The following MAML2 variants were observed in gnomAD, a reference collection of about 807,000 sequenced individuals.
The protein encoded by MAML2 is mastermind-like protein 2.
Under a neutral mutation model 96.1 loss-of-function variants are expected in MAML2, and 22 were observed. The observed-to-expected ratio is 0.23, with a 90% CI of 0.16 to 0.33. MAML2 has a LOEUF of 0.33. Among genes scored for constraint, MAML2 ranks in the 10% least tolerant of loss-of-function variants. The probability of loss-of-function intolerance (pLI) is 1.00; values close to 1 mark genes in which losing one functional copy is unlikely to be tolerated. For missense variants in MAML2, 1,367 were observed against 1,392.4 expected (o/e 0.98, Z 0.29); for synonymous variants, 561 against 521.3 (o/e 1.08, Z -1.04).
chr11:96,070,651 C>T (rs1859331245), intron 2 of MAML2, among the ~76,000 whole-genome samples: 1 of 152,268 alleles, frequency 6.6e-6, no homozygotes, highest in South Asian at 2.1e-4. Flanking sequence ...CTCGTTCACA[C>T]ACCCTTTTCT....
In MAML2 at chr11:95,991,688, G is replaced by A. The variant is rs753951959; in HGVS notation, c.2175C>T (p.Pro725=). The change falls in exon 3 of 5, where the codon CCC becomes CCT. Residue 725 remains proline (P), a synonymous_variant. Transcript: ENST00000524717. ...QHSVVGQNTG[P]SPSPNPCSNP... ...TTGAGCAGGGGTTAGGACTTGGACT[G>A]GGGCCTGTGTTCTGGCCTACCACAG... 3.1e-6 allele frequency: 5 copies of A among 1,613,564 alleles called. No individual in the cohort carries two copies. The Admixed American group carries it at 6.7e-5, about 22-fold the overall frequency.
At chr11:95,990,168 G>A (rs1191656166) in intron 3 of MAML2, among the ~76,000 whole-genome samples, 3 of 151,998 alleles carry the variant, frequency 2.0e-5, no homozygotes, top group Admixed American at 6.6e-5. Flanking sequence ...ACTGTAAAAA[G>A]TATACTTTTT....
chr11:95,984,466 T>C (rs1339967582), intron 4 of MAML2, among the ~76,000 whole-genome samples: 3 of 152,196 alleles, frequency 2.0e-5, no homozygotes, highest in African/African-American at 7.2e-5. Flanking sequence ...TTACTTGTTG[T>C]CTTTAGAGAC....
At chr11:95,993,226 C>T (rs1478495037) in intron 2 of MAML2, among the ~76,000 whole-genome samples, 1 of 149,808 alleles carries the variant, frequency 6.7e-6, no homozygotes, top group Non-Finnish European at 1.5e-5. Context: ...AAAAAAAATC[C>T]ATCTGTCATT....
intron 4 of MAML2, among the ~76,000 whole-genome samples, chr11:95,982,193 G>C (rs1857750977): frequency 6.6e-6 from 1 of 152,180 alleles, no homozygotes; most frequent in African/African-American, 2.4e-5. Context: ...TGACCCACTT[G>C]AGTGTCAGCA....
intron 2 of MAML2, among the ~76,000 whole-genome samples, chr11:96,018,823 A>C (rs12290965): frequency 0.037 from 5,623 of 152,184 alleles, 241 homozygotes; most frequent in African/African-American, 0.11. Flanking sequence ...TCCTGACCTC[A>C]AGTGATATGC....
intron 2 of MAML2, among the ~76,000 whole-genome samples, chr11:96,016,845 G>A (rs1343308447): frequency 6.6e-6 from 1 of 152,056 alleles, no homozygotes; most frequent in African/African-American, 2.4e-5. Context: ...TTTGAATTTA[G>A]GAGGAACAGA....
intron 1 of MAML2, among the ~76,000 whole-genome samples, chr11:96,128,476 G>A (rs1860490123): frequency 6.6e-6 from 1 of 152,048 alleles, no homozygotes; most frequent in South Asian, 2.1e-4. Context: ...TTGCTTATTG[G>A]TATCATCATA....
At chr11:96,284,773 C>A (rs193111498) in intron 1 of MAML2, among the ~76,000 whole-genome samples, 4 of 152,292 alleles carry the variant, frequency 2.6e-5, no homozygotes, top group Admixed American at 2.6e-4. Context: ...ATCTTTCTTA[C>A]AAAATCTCCA....
At chr11:96,253,132 G>C (rs1862610393) in intron 1 of MAML2, among the ~76,000 whole-genome samples, 1 of 152,162 alleles carries the variant, frequency 6.6e-6, no homozygotes, top group Non-Finnish European at 1.5e-5. Context: ...ACAGAGGAAA[G>C]AGATTCACAC....
intron 4 of MAML2, among the ~76,000 whole-genome samples, chr11:95,981,530 C>T (rs941688540): frequency 2.0e-5 from 3 of 150,536 alleles, no homozygotes; most frequent in Non-Finnish European, 4.4e-5. Flanking sequence ...CTTAAGGATA[C>T]GTAGGTGGTA....
chr11:96,243,322 G>C (rs1199659712), intron 1 of MAML2, among the ~76,000 whole-genome samples: 3 of 152,110 alleles, frequency 2.0e-5, no homozygotes, highest in Admixed American at 2.0e-4. Context: ...GCAAGGAGGC[G>C]GGGGAGGCGG....
intron 1 of MAML2, among the ~76,000 whole-genome samples, chr11:96,151,152 C>T (rs945284752): frequency 6.6e-6 from 1 of 152,170 alleles, no homozygotes. Context: ...TTCTTCTAGC[C>T]TACCGGGACA....
intron 2 of MAML2, among the ~76,000 whole-genome samples, chr11:95,998,659 A>G (rs1409010495): frequency 6.6e-6 from 1 of 152,102 alleles, no homozygotes; most frequent in African/African-American, 2.4e-5. Context: ...AAGTTTTCCA[A>G]CTGTGCTACT....
intron 1 of MAML2, among the ~76,000 whole-genome samples, chr11:96,139,926 T>C (rs1188672206): frequency 1.3e-5 from 2 of 152,224 alleles, no homozygotes. Flanking sequence ...TGGGTAGTAA[T>C]GACTGCATAA....
chr11:96,189,819 A>T (rs1861627178), intron 1 of MAML2, among the ~76,000 whole-genome samples: 1 of 152,216 alleles, frequency 6.6e-6, no homozygotes, highest in African/African-American at 2.4e-5. Flanking sequence ...ATAGCTTTAA[A>T]AACTGGAACT....
intron 2 of MAML2, among the ~76,000 whole-genome samples, chr11:95,993,421 G>A (rs1204917244): frequency 6.6e-6 from 1 of 152,016 alleles, no homozygotes; most frequent in Non-Finnish European, 1.5e-5. Context: ...ATGAAAATTA[G>A]TTGGGTGTGG....
At chr11:96,209,780 G>C (rs762342423) in intron 1 of MAML2, among the ~76,000 whole-genome samples, 1 of 151,994 alleles carries the variant, frequency 6.6e-6, no homozygotes, top group Admixed American at 6.6e-5. Flanking sequence ...CGAAACTATC[G>C]ATTATTTTGT....
intron 2 of MAML2, among the ~76,000 whole-genome samples, chr11:96,067,797 C>A (rs1198813681): frequency 6.6e-6 from 1 of 152,120 alleles, no homozygotes; most frequent in African/African-American, 2.4e-5. Flanking sequence ...CATTTCAAAC[C>A]CATATTACTT....
Sources: gnomAD v4.1 joint callset for allele counts (sites outside exome capture counted in the v4.1 genomes callset) on GRCh38, gnomAD v4.1.1 for gene constraint, MANE v1.5 for transcripts, NCBI Gene and HGNC (gene_info 2026-07-23, HGNC 2026-07-21) for gene names.